KLRG1: variants seen among roughly 807,000 people sequenced by gnomAD.
KLRG1 encodes the protein killer cell lectin like receptor G1, also known as killer cell lectin-like receptor subfamily G member 1.
A neutral mutation model predicts 21.8 loss-of-function variants in KLRG1; 16 were observed. That is an observed-to-expected ratio of 0.73 (90% CI 0.50 to 1.11). KLRG1 has a LOEUF of 1.11. KLRG1 is among the 50% of genes most tolerant of loss of function. The pLI is 0.00. For synonymous variants in KLRG1, 69 were observed against 75.9 expected (o/e 0.91, Z 0.47); for missense variants, 173 against 218.3 (o/e 0.79, Z 1.31).
At chr12:9,098,372 TTTTA>T in the KLRG1 span, 1 of 234,252 alleles carries the variant, frequency 4.3e-6, no homozygotes, top group Admixed American at 5.7e-5. Context: ...TTAAAAATTC[TTTTA>T]TTTGATTCAA....
upstream of KLRG1, among the ~76,000 whole-genome samples, chr12:8,986,918 T>G (rs1946850941): frequency 6.6e-6 from 1 of 152,196 alleles, no homozygotes; most frequent in Non-Finnish European, 1.5e-5. Context: ...CGCGTCTCTC[T>G]TGCTCCTGCT....
chr12:9,200,334 A>C, the KLRG1 span: 1 of 1,503,012 alleles, frequency 6.7e-7, no homozygotes, highest in South Asian at 1.2e-5. Flanking sequence ...GGCAAAATAT[A>C]AAATTTTAGA....
chr12:9,197,049 C>T, the KLRG1 span: 3 of 1,613,358 alleles, frequency 1.9e-6, no homozygotes, highest in Non-Finnish European at 2.5e-6. Context: ...CTGCTTGTCA[C>T]AATTAAGAAC....
At chr12:9,151,351 C>G in the KLRG1 span, among the ~76,000 whole-genome samples, 3 of 152,108 alleles carry the variant, frequency 2.0e-5, no homozygotes, top group African/African-American at 7.2e-5. Context: ...ACATGGTACA[C>G]CTTTTTTCTA....
rs148182946 is a variant in KLRG1, at chr12:8,953,227, G to A, written c.-156+2991G>A. On this transcript the variant is annotated intron_variant, in intron 1 of 4. Transcript: ENST00000539240. ...ATTGAGCGATGGAACAGCTCTCAGC[G>A]GAGAGGGGATGTGGTAGGTGGAGGT... 6.0e-4 allele frequency among the ~76,000 whole-genome samples: 92 copies of A among 152,324 alleles called. 2 individuals are homozygous for A. The highest frequency in any genetic ancestry group is 1.9e-3 in the East Asian group (10 of 5,178).
At chr12:9,158,409 G>C in the KLRG1 span, 40 of 1,613,866 alleles carry the variant, frequency 2.5e-5, no homozygotes, top group Non-Finnish European at 3.3e-5. Context: ...GAAGTTTGTG[G>C]AACAGTTCAC....
the KLRG1 span, chr12:9,077,206 C>A: frequency 7.9e-6 from 7 of 884,074 alleles, no homozygotes; most frequent in Middle Eastern, 7.0e-4. Context: ...ACCAAATTCT[C>A]TGTAGATCTG....
the KLRG1 span, among the ~76,000 whole-genome samples, chr12:9,112,847 G>A: frequency 6.6e-6 from 1 of 152,216 alleles, no homozygotes; most frequent in East Asian, 1.9e-4. Context: ...ATGCTAAAAG[G>A]GCATGGTCGA....
the KLRG1 span, among the ~76,000 whole-genome samples, chr12:9,116,776 G>A: frequency 1.3e-5 from 2 of 151,942 alleles, no homozygotes; most frequent in Admixed American, 6.6e-5. Flanking sequence ...CTAGAGATAG[G>A]GTGGTCAAAT....
chr12:9,106,680 G>A, the KLRG1 span: 1 of 703,310 alleles, frequency 1.4e-6, no homozygotes, highest in Admixed American at 2.6e-5. Flanking sequence ...GATAACCGGT[G>A]TGATTTTTGT....
chr12:8,955,589 C>T (rs1351768031), intron 1 of KLRG1, among the ~76,000 whole-genome samples: 1 of 151,126 alleles, frequency 6.6e-6, no homozygotes, highest in African/African-American at 2.4e-5. Context: ...ATGAGGTTTC[C>T]TTATTTTCCC....
the KLRG1 span, among the ~76,000 whole-genome samples, chr12:9,142,699 A>G: frequency 6.6e-6 from 1 of 152,214 alleles, no homozygotes; most frequent in African/African-American, 2.4e-5. Flanking sequence ...TAATTTTCCA[A>G]TTGGATTATT....
chr12:9,049,598 T>C, the KLRG1 span, among the ~76,000 whole-genome samples: 1 of 152,182 alleles, frequency 6.6e-6, no homozygotes, highest in African/African-American at 2.4e-5. Context: ...ATCTTCTCAT[T>C]TCAGGTTTCT....
the KLRG1 span, among the ~76,000 whole-genome samples, chr12:9,119,473 G>A: frequency 3.3e-4 from 50 of 152,166 alleles, 1 homozygote; most frequent in African/African-American, 1.1e-3. Context: ...TTTCAGTGCC[G>A]GTGTGGGGCA....
intron 1 of KLRG1, among the ~76,000 whole-genome samples, chr12:8,965,697 GA>G (rs1348112316): frequency 1.3e-5 from 2 of 152,162 alleles, no homozygotes; most frequent in African/African-American, 4.8e-5. Flanking sequence ...AGGACACAAA[GA>G]AATGGAAGAA....
chr12:9,155,167 A>C, the KLRG1 span, among the ~76,000 whole-genome samples: 1 of 152,250 alleles, frequency 6.6e-6, no homozygotes, highest in African/African-American at 2.4e-5. Context: ...TGAGAATTGC[A>C]GTATAGACTA....
the KLRG1 span, among the ~76,000 whole-genome samples, chr12:9,175,297 A>G: frequency 6.6e-6 from 1 of 152,202 alleles, no homozygotes; most frequent in Non-Finnish European, 1.5e-5. Flanking sequence ...CTTTCACCAT[A>G]TACAAAAATT....
At chr12:9,053,109 G>A in the KLRG1 span, among the ~76,000 whole-genome samples, 2 of 152,062 alleles carry the variant, frequency 1.3e-5, no homozygotes, top group African/African-American at 4.8e-5. Context: ...TGGGCACTTC[G>A]GGTTCCTTGC....
chr12:9,166,970 A>G, the KLRG1 span: 12 of 152,234 alleles, frequency 7.9e-5, no homozygotes, highest in African/African-American at 2.9e-4. Context: ...ACCTTGTGAA[A>G]GAATACTTAC....
Sources: allele counts gnomAD v4.1 joint callset (sites outside exome capture counted in the v4.1 genomes callset), GRCh38; gene constraint gnomAD v4.1.1; transcripts MANE v1.5; gene names NCBI Gene and HGNC (gene_info 2026-07-23, HGNC 2026-07-21).